Variants in TULP4 observed in about 807,000 individuals in gnomAD.
TULP4 encodes the protein TUB like protein 4, also known as tubby-related protein 4.
A neutral mutation model predicts 129.0 loss-of-function variants in TULP4; 16 were observed. The observed-to-expected ratio is 0.12, with a 90% CI of 0.08 to 0.19. The LOEUF (loss-of-function observed/expected upper bound fraction) is 0.19. Ranked by LOEUF, TULP4 falls within the 10% of genes least tolerant of loss-of-function variation. The probability of loss-of-function intolerance (pLI) is 1.00; values close to 1 mark genes in which losing one functional copy is unlikely to be tolerated. For synonymous variants in TULP4, 998 were observed against 854.0 expected (o/e 1.17, Z -2.94); for missense variants, 1,842 against 2,059.1 (o/e 0.89, Z 2.04).
At chr6:158,237,327 A>G in intron 1 of TULP4, 1 of 1,608,690 alleles carries the variant, frequency 6.2e-7, no homozygotes, top group Non-Finnish European at 8.5e-7. Context: ...TTCAACAAGA[A>G]TATTCTCATC....
At chr6:158,351,220 G>A (rs2114800377) in intron 1 of TULP4, among the ~76,000 whole-genome samples, 1 of 152,290 alleles carries the variant, frequency 6.6e-6, no homozygotes, top group Admixed American at 6.5e-5. Flanking sequence ...AAAAACTAGA[G>A]TGATGTTAGG....
chr6:158,415,349 C>CTTT (rs561619354), intron 2 of TULP4, among the ~76,000 whole-genome samples: 25 of 130,598 alleles, frequency 1.9e-4, no homozygotes, highest in South Asian at 1.0e-3. Context: ...GAGTGTGCTT[C>CTTT]TTTTTTTTTT....
intron 1 of TULP4, among the ~76,000 whole-genome samples, chr6:158,258,839 A>G (rs958782669): frequency 1.3e-5 from 2 of 152,252 alleles, no homozygotes; most frequent in African/African-American, 4.8e-5. Flanking sequence ...TTTTCACGTC[A>G]GCATTATTTG....
At chr6:158,241,602 G>T (rs930859285) in intron 1 of TULP4, among the ~76,000 whole-genome samples, 13 of 147,346 alleles carry the variant, frequency 8.8e-5, no homozygotes, top group Admixed American at 1.4e-4. Context: ...GCGTGAAATT[G>T]TTTTTTTTTT....
chr6:158,320,354 T>A (rs1779595905), intron 1 of TULP4, among the ~76,000 whole-genome samples: 2 of 152,146 alleles, frequency 1.3e-5, no homozygotes, highest in South Asian at 4.1e-4. Context: ...TTTTATTCTA[T>A]GAAACAATTT....
At chr6:158,287,253 G>T (rs1008889740) in intron 1 of TULP4, among the ~76,000 whole-genome samples, 3 of 152,152 alleles carry the variant, frequency 2.0e-5, no homozygotes, top group Admixed American at 2.0e-4. Context: ...CCAGACATAT[G>T]CATGTGTAGT....
chr6:158,385,079 G>A (rs1336678497), intron 1 of TULP4, among the ~76,000 whole-genome samples: 2 of 152,100 alleles, frequency 1.3e-5, no homozygotes, highest in Non-Finnish European at 2.9e-5. Context: ...CCTCGCCCAC[G>A]TCAGTGTGTT....
chr6:158,244,574 C>G (rs892923229), intron 1 of TULP4, among the ~76,000 whole-genome samples: 1 of 152,064 alleles, frequency 6.6e-6, no homozygotes, highest in African/African-American at 2.4e-5. Flanking sequence ...TGCTTTTTTT[C>G]TCCCCATGTG....
chr6:158,458,665 CAAA>C (rs1779349288), intron 5 of TULP4, among the ~76,000 whole-genome samples: 3 of 152,128 alleles, frequency 2.0e-5, no homozygotes, highest in African/African-American at 7.2e-5. Context: ...GTTTCTGAAA[CAAA>C]AAAGTTCTGT....
chr6:158,403,711 C>A (rs951483928), intron 1 of TULP4, among the ~76,000 whole-genome samples: 3 of 152,146 alleles, frequency 2.0e-5, no homozygotes, highest in Non-Finnish European at 4.4e-5. Flanking sequence ...CTAATTAGCC[C>A]TGCTTAACTA....
intron 1 of TULP4, among the ~76,000 whole-genome samples, chr6:158,362,917 C>T (rs913280203): frequency 2.6e-5 from 4 of 151,998 alleles, no homozygotes; most frequent in Non-Finnish European, 4.4e-5. Flanking sequence ...CAAAAATTAG[C>T]CGGGTGCAGT....
chr6:158,431,220 C>T (rs542086893), intron 3 of TULP4, among the ~76,000 whole-genome samples: 4 of 152,156 alleles, frequency 2.6e-5, no homozygotes, highest in South Asian at 4.2e-4. Context: ...TGACCTTGCC[C>T]GAGGCACCTG....
At chr6:158,359,563 T>C (rs1042569177) in intron 1 of TULP4, among the ~76,000 whole-genome samples, 1 of 152,056 alleles carries the variant, frequency 6.6e-6, no homozygotes, top group Admixed American at 6.5e-5. Context: ...GCCAGTCTAA[T>C]CTCTCCACGT....
In TULP4 at chr6:158,333,373, A is replaced by C. The variant is rs577034001; in HGVS notation, c.252+19105A>C. 4.6e-5 allele frequency among the ~76,000 whole-genome samples: 7 copies of C among 152,340 alleles called. No homozygotes were observed. In the South Asian group the frequency reaches 1.5e-3, roughly 32 times the overall value. On this transcript the variant is annotated intron_variant, in intron 1 of 13. Coordinates refer to ENST00000367097, the MANE Select transcript of TULP4 (RefSeq NM_020245.5). The stretch of plus-strand genomic sequence containing the variant: ...GTGAGCTCACAGTGAGATGGTGGCC[A>C]CCTATAAATGAGAAGAGCTCTCAGG...
chr6:158,232,449 G>T, intron 1 of TULP4: 1 of 151,430 alleles, frequency 6.6e-6, no homozygotes, highest in South Asian at 1.8e-4. Flanking sequence ...CGCGGCGGGC[G>T]GGGGTCGGGG....
intron 1 of TULP4, among the ~76,000 whole-genome samples, chr6:158,246,146 G>A (rs1439092739): frequency 1.8e-4 from 28 of 151,850 alleles, no homozygotes; most frequent in Admixed American, 1.8e-3. Flanking sequence ...TTTAACTAAA[G>A]AAAGGGGAAG....
At chr6:158,393,172 G>T (rs960177615) in intron 1 of TULP4, among the ~76,000 whole-genome samples, 2 of 152,200 alleles carry the variant, frequency 1.3e-5, no homozygotes, top group Non-Finnish European at 2.9e-5. Flanking sequence ...AATCTCCTTT[G>T]ACTCCATGTC....
intron 1 of TULP4, among the ~76,000 whole-genome samples, chr6:158,236,514 C>G (rs1172770361): frequency 6.6e-6 from 1 of 152,028 alleles, no homozygotes; most frequent in Admixed American, 6.6e-5. Flanking sequence ...TGAAGAACAT[C>G]AGTGTATTAA....
intron 4 of TULP4, among the ~76,000 whole-genome samples, chr6:158,451,051 C>T (rs191965537): frequency 1.3e-5 from 2 of 151,370 alleles, no homozygotes; most frequent in African/African-American, 4.9e-5. Flanking sequence ...GGCAACAGAG[C>T]AAGTCTCCGT....
Sources: gnomAD v4.1 joint callset for allele counts (sites outside exome capture counted in the v4.1 genomes callset) on GRCh38, gnomAD v4.1.1 for gene constraint, MANE v1.5 for transcripts, NCBI Gene and HGNC (gene_info 2026-07-23, HGNC 2026-07-21) for gene names.